NKAIN3: variants seen among roughly 807,000 people sequenced by gnomAD.
NKAIN3 encodes sodium/potassium transporting ATPase interacting 3.
NKAIN3 carries 25 observed loss-of-function variants against 30.2 expected under a neutral mutation model. The ratio of observed to expected loss-of-function variants is 0.83; its 90% CI spans 0.60 to 1.16. NKAIN3 has a LOEUF of 1.16. Ranked by LOEUF, NKAIN3 falls within the 50% of genes most tolerant of loss-of-function variation. NKAIN3 has a pLI of 0.00. For synonymous variants in NKAIN3, 91 were observed against 89.6 expected, an observed-to-expected ratio of 1.02 and a Z score of -0.09; for missense variants, 225 against 254.1, an observed-to-expected ratio of 0.89 and a Z score of 0.78.
intron 1 of NKAIN3, among the ~76,000 whole-genome samples, chr8:62,405,347 C>T (rs1804029228): frequency 6.6e-6 from 1 of 152,206 alleles, no homozygotes; most frequent in Non-Finnish European, 1.5e-5. Context: ...GAATTGCAGC[C>T]TTTGTGGCTT....
At chr8:62,375,987 G>T (rs1250343730) in intron 1 of NKAIN3, among the ~76,000 whole-genome samples, 1 of 152,186 alleles carries the variant, frequency 6.6e-6, no homozygotes, top group East Asian at 1.9e-4. Context: ...TATGTTAGGT[G>T]CTGGGAAGAC....
chr8:62,741,423 GC>G (rs1200524431), intron 3 of NKAIN3, among the ~76,000 whole-genome samples: 2,205 of 125,118 alleles, frequency 0.018, 37 homozygotes, highest in African/African-American at 0.021. Flanking sequence ...AGGAAGGAAG[GC>G]AGGCAAGCAA....
intron 3 of NKAIN3, among the ~76,000 whole-genome samples, chr8:62,672,561 T>C (rs1813338742): frequency 6.6e-6 from 1 of 152,212 alleles, no homozygotes; most frequent in African/African-American, 2.4e-5. Context: ...ATATTTCAAA[T>C]ATTTATGGCA....
At chr8:62,263,973 G>A (rs1812530021) in intron 1 of NKAIN3, among the ~76,000 whole-genome samples, 2 of 152,274 alleles carry the variant, frequency 1.3e-5, no homozygotes, top group South Asian at 4.1e-4. Flanking sequence ...TTCTTAAGCT[G>A]TAAATATTGG....
intron 3 of NKAIN3, among the ~76,000 whole-genome samples, chr8:62,664,217 T>C (rs929872139): frequency 6.6e-6 from 1 of 151,960 alleles, no homozygotes; most frequent in Admixed American, 6.6e-5. Flanking sequence ...AGTATCAAAG[T>C]ATACCAGATC....
chr8:62,575,009 G>C (rs1403650071), intron 1 of NKAIN3, among the ~76,000 whole-genome samples: 1 of 151,950 alleles, frequency 6.6e-6, no homozygotes, highest in Non-Finnish European at 1.5e-5. Flanking sequence ...CCAACAGCTA[G>C]TATCATACTG....
chr8:62,685,362 G>A (rs1453527277), intron 3 of NKAIN3, among the ~76,000 whole-genome samples: 1 of 152,130 alleles, frequency 6.6e-6, no homozygotes, highest in Non-Finnish European at 1.5e-5. Context: ...TTCAGTCACT[G>A]ATTTGTAAAC....
At chr8:62,347,683 G>T (rs1563358978) in intron 1 of NKAIN3, among the ~76,000 whole-genome samples, 1 of 152,092 alleles carries the variant, frequency 6.6e-6, no homozygotes, top group Non-Finnish European at 1.5e-5. Flanking sequence ...TGTAGGATGG[G>T]ATGATTTTTT....
intron 3 of NKAIN3, among the ~76,000 whole-genome samples, chr8:62,610,124 T>C (rs1034289100): frequency 1.3e-5 from 2 of 151,960 alleles, no homozygotes; most frequent in African/African-American, 4.8e-5. Context: ...GGCAGGTGGA[T>C]CACCTGAGGT....
intron 1 of NKAIN3, among the ~76,000 whole-genome samples, chr8:62,298,328 T>C (rs1034985881): frequency 7.7e-4 from 117 of 152,038 alleles, no homozygotes; most frequent in South Asian, 8.3e-4. Flanking sequence ...ATCATAATAA[T>C]AAAATAAAAT....
At chr8:62,834,548 C>A (rs547275419) in intron 4 of NKAIN3, among the ~76,000 whole-genome samples, 161 of 151,704 alleles carry the variant, frequency 1.1e-3, no homozygotes, top group African/African-American at 3.8e-3. Context: ...AAACTGAGAG[C>A]CAAAACAAAA....
chr8:62,616,205 T>C (rs936617), intron 3 of NKAIN3, among the ~76,000 whole-genome samples: 72,976 of 151,706 alleles, frequency 0.48, 20,617 homozygotes, highest in African/African-American at 0.79. Flanking sequence ...CAACTCCCTT[T>C]AATTCTGACA....
At chr8:62,849,783 C>T (rs1031816527) in intron 4 of NKAIN3, among the ~76,000 whole-genome samples, 4 of 151,936 alleles carry the variant, frequency 2.6e-5, no homozygotes, top group African/African-American at 9.7e-5. Context: ...AGAACATGAA[C>T]TCGTCATTTT....
chr8:62,500,493 G>GAAAGAAAGAAGA (rs1476744745), intron 1 of NKAIN3, among the ~76,000 whole-genome samples: 2,772 of 133,990 alleles, frequency 0.021, 67 homozygotes, highest in East Asian at 0.057. Flanking sequence ...AAGAAGAAAA[G>GAAAGAAAGAAGA]AAAGAAAGAA....
intron 1 of NKAIN3, among the ~76,000 whole-genome samples, chr8:62,419,449 GA>G (rs1434386737): frequency 1.3e-5 from 2 of 152,200 alleles, no homozygotes; most frequent in Non-Finnish European, 2.9e-5. Flanking sequence ...TCGATAAGGA[GA>G]AATCACAGCT....
chr8:62,867,215 G>A (rs1212959339), intron 4 of NKAIN3, among the ~76,000 whole-genome samples: 2 of 151,860 alleles, frequency 1.3e-5, no homozygotes, highest in African/African-American at 2.4e-5. Context: ...AGAGTCATAC[G>A]CATCTGGGTT....
At chr8:62,648,037 G>A (rs772540748) in intron 3 of NKAIN3, among the ~76,000 whole-genome samples, 2 of 152,030 alleles carry the variant, frequency 1.3e-5, no homozygotes, top group Admixed American at 6.6e-5. Flanking sequence ...AAGAGTGAGG[G>A]ACCAAAGTGA....
chr8:62,692,147 G>A lies in NKAIN3; in HGVS notation c.274-54785G>A, dbSNP rs1208483996. The stretch of plus-strand genomic sequence containing the variant: ...ACTTGAAGCCTAGTCTTGAGCTGGC[G>A]GACTTCACATTTCTCATTCTGTTGG... On this transcript the variant is annotated intron_variant, in intron 3 of 6. Coordinates refer to ENST00000623646, the MANE Select transcript of NKAIN3 (RefSeq NM_001304533.3). Among the ~76,000 whole-genome samples, 6 of 152,090 alleles carry A rather than the reference G, an allele frequency of 3.9e-5. No homozygotes were observed. The South Asian group carries it at 6.2e-4, about 16-fold the overall frequency.
At chr8:62,666,684 A>T (rs950099398) in intron 3 of NKAIN3, among the ~76,000 whole-genome samples, 6 of 152,132 alleles carry the variant, frequency 3.9e-5, no homozygotes, top group South Asian at 4.1e-4. Flanking sequence ...TATTGTTCTA[A>T]AGGAAGTCCT....
Sources: allele counts gnomAD v4.1 joint callset (sites outside exome capture counted in the v4.1 genomes callset), GRCh38; gene constraint gnomAD v4.1.1; transcripts MANE v1.5; gene names NCBI Gene and HGNC (gene_info 2026-07-23, HGNC 2026-07-21).